Variants in AAAS observed in about 807,000 individuals in gnomAD.
AAAS encodes aladin.
A neutral mutation model predicts 75.6 loss-of-function variants in AAAS; 60 were observed. The observed-to-expected ratio is 0.79, with a 90% CI of 0.64 to 0.98. The LOEUF is 0.98. Ranked by LOEUF, AAAS falls within the 50% of genes least tolerant of loss-of-function variation. AAAS has a pLI of 0.00. For missense variants in AAAS, 658 were observed against 686.9 expected, an observed-to-expected ratio of 0.96 and a Z score of 0.47; for synonymous variants, 271 against 265.0, an observed-to-expected ratio of 1.02 and a Z score of -0.22.
rs775753161 is a variant in AAAS, at chr12:53,308,088, CGA to C, written c.1293_1294del (p.Phe431LeufsTer9). On this transcript the variant is annotated frameshift_variant, in exon 14 of 16. Coordinates refer to ENST00000209873, the MANE Select transcript of AAAS (RefSeq NM_015665.6). LOFTEE classifies it high-confidence loss of function. ...CTCAAACACAGGGCTGTTTCGAGTG[CGA>C]AAAAGGAGGATGACTGGTTTACCAT... The C allele has an allele frequency of 6.2e-7, 1 of 1,614,026 alleles. No individual in the cohort carries two copies. The highest frequency in any genetic ancestry group is 1.7e-5 in the Admixed American group (1 of 60,020).
Position 53,308,827 on chromosome 12 carries a change from G to A in AAAS, c.997-12C>T, listed in dbSNP as rs1268538506. ...CTCCAGCAGCCAGTCTGGGGTCAGG[G>A]AGCAAAAGGCAGGAGAAGGTATGTC... On this transcript the variant is annotated splice_polypyrimidine_tract_variant and intron_variant, in intron 10 of 15. Transcript: ENST00000209873. 6.2e-7 allele frequency: 1 copy of A among 1,613,932 alleles called. No homozygotes were observed. Among genetic ancestry groups the A allele is most frequent in the Admixed American group, 1.7e-5 (1 of 60,024 alleles).
In AAAS at chr12:53,321,570, T is replaced by C. The variant is rs904618986; in HGVS notation, c.-105A>G. 1.3e-6 allele frequency: 2 copies of C among 1,586,312 alleles called. No homozygotes were observed. The highest frequency in any genetic ancestry group is 1.7e-6 in the Non-Finnish European group (2 of 1,165,132). On this transcript the variant is annotated 5_prime_UTR_variant, in exon 1 of 16. Coordinates refer to ENST00000209873, the MANE Select transcript of AAAS (RefSeq NM_015665.6). ...CGGGCTAGATTCGTATGCGGACGGGTACCGCAAGGGACAAACGGCGAGGCG... is the reference window on the plus strand; with the variant it reads ...CGGGCTAGATTCGTATGCGGACGGGCACCGCAAGGGACAAACGGCGAGGCG...
intron 7 of AAAS, among the ~76,000 whole-genome samples, chr12:53,312,502 T>C (rs1164462440): frequency 2.0e-5 from 3 of 151,182 alleles, no homozygotes; most frequent in African/African-American, 4.9e-5. Flanking sequence ...GAGGCTGAGG[T>C]TGCAGTGAGT....
At chr12:53,313,503 G>A (rs1944420702) in intron 7 of AAAS, among the ~76,000 whole-genome samples, 1 of 152,062 alleles carries the variant, frequency 6.6e-6, no homozygotes, top group Non-Finnish European at 1.5e-5. Context: ...GTTTTACCAT[G>A]TTGGCCAGGC....
chr12:53,307,966 A>C, intron 14 of AAAS, 37 bp from the exon 15 acceptor site: 1 of 1,613,314 alleles, frequency 6.2e-7, no homozygotes, highest in Non-Finnish European at 8.5e-7. Context: ...GGAGGCAAGA[A>C]GGGAGCTGAA....
chr12:53,308,348 G>A lies in AAAS; in HGVS notation c.1183C>T (p.Leu395Phe). ...TIQTPDGEER[L>F]GGEAHSMVWD... Reference sequence around the variant, plus strand: ...ACCATGGAGTGAGCCTCTCCCCCAAGCCTGTGGGTAAGGACAGGTTAGGAG... The same window carrying A: ...ACCATGGAGTGAGCCTCTCCCCCAAACCTGTGGGTAAGGACAGGTTAGGAG... The change falls in exon 13 of 16, where the codon CTT (leucine) becomes TTT (phenylalanine). Residue 395 changes from leucine (L) to phenylalanine (F), a missense_variant and splice_region_variant. Leu to Phe is a conservative substitution (Grantham distance 22, BLOSUM62 0). Coordinates refer to ENST00000209873, the MANE Select transcript of AAAS (RefSeq NM_015665.6). 6.2e-7 allele frequency: 1 copy of A among 1,614,172 alleles called. No individual in the cohort carries two copies. The highest frequency in any genetic ancestry group is 1.3e-5 in the African/African-American group (1 of 75,032).
At chr12:53,312,697 C>T (rs965062950) in intron 7 of AAAS, among the ~76,000 whole-genome samples, 6 of 151,112 alleles carry the variant, frequency 4.0e-5, no homozygotes, top group Non-Finnish European at 7.4e-5. Context: ...AAATAGTATA[C>T]TTTGGTTTTC....
At chr12:53,313,713 A>G (rs1434486070) in intron 7 of AAAS, among the ~76,000 whole-genome samples, 1 of 151,486 alleles carries the variant, frequency 6.6e-6, no homozygotes, top group Admixed American at 6.6e-5. Context: ...GATTCAAGCG[A>G]TTCTCCTGCC....
intron 2 of AAAS, among the ~76,000 whole-genome samples, chr12:53,318,269 T>TGTGTGTGTGTGC (rs1944498050): frequency 6.6e-6 from 1 of 151,612 alleles, no homozygotes; most frequent in African/African-American, 2.4e-5. Flanking sequence ...TGTGTGTGTG[T>TGTGTGTGTGTGC]GTGTTAAGAC....
At position 53,309,152 on chromosome 12, in the gene AAAS, C is replaced by T. The variant is rs548425176; in HGVS notation, c.935+5G>A. On this transcript the variant is annotated splice_donor_5th_base_variant and intron_variant, in intron 9 of 15. Transcript: ENST00000209873. ...TTGCCCTCCCTCCATCCTTGTCCCA[C>T]TCACCGAAAGACAGCTGAAGGAGTG... 1 of 1,614,216 alleles carries T rather than the reference C, an allele frequency of 6.2e-7. No homozygotes were observed. The highest frequency in any genetic ancestry group is 8.5e-7 in the Non-Finnish European group (1 of 1,180,038).
chr12:53,319,814 A>AAAAAG (rs1944524159), intron 2 of AAAS, among the ~76,000 whole-genome samples: 1 of 133,226 alleles, frequency 7.5e-6, no homozygotes, highest in Non-Finnish European at 1.6e-5. Context: ...AAAAAAAAAA[A>AAAAAG]AAAAAAAAAA....
intron 2 of AAAS, among the ~76,000 whole-genome samples, chr12:53,317,661 G>C (rs1384346774): frequency 6.6e-6 from 1 of 152,034 alleles, no homozygotes; most frequent in African/African-American, 2.4e-5. Flanking sequence ...AGAATTGCTT[G>C]AACCCAGGAG....
chr12:53,308,293 A>G lies in AAAS; in HGVS notation c.1238T>C (p.Val413Ala). The G allele has an allele frequency of 6.2e-7, 1 of 1,614,158 alleles. No individual in the cohort carries two copies. Among genetic ancestry groups the G allele is most frequent in the Non-Finnish European group, 8.5e-7 (1 of 1,180,018 alleles). The stretch of plus-strand genomic sequence containing the variant: ...TCCTTGCCTCTCACCTTTCATAAGC[A>G]CAGCCAGACGTTCCCCACTGGGGTC... ...VWDPSGERLA[V>A]LMKGKPRVQD... The change falls in exon 13 of 16, where the codon GTG (valine) becomes GCG (alanine). Residue 413 changes from valine to alanine, a missense_variant. Coordinates refer to ENST00000209873, the MANE Select transcript of AAAS (RefSeq NM_015665.6).
intron 2 of AAAS, among the ~76,000 whole-genome samples, chr12:53,320,191 G>A (rs1944532064): frequency 2.0e-5 from 3 of 152,150 alleles, no homozygotes; most frequent in Admixed American, 2.0e-4. Context: ...GACCTATGTA[G>A]GAGATTATTC....
intron 7 of AAAS, among the ~76,000 whole-genome samples, chr12:53,310,246 C>T (rs1226831659): frequency 1.3e-5 from 2 of 152,232 alleles, no homozygotes; most frequent in Admixed American, 6.5e-5. Flanking sequence ...TCTGCAGCTC[C>T]CGCGTTTGCT....
intron 7 of AAAS, among the ~76,000 whole-genome samples, chr12:53,311,838 CAG>C (rs760469747): frequency 9.5e-4 from 145 of 152,056 alleles, no homozygotes; most frequent in Non-Finnish European, 1.3e-3. Flanking sequence ...CGCTTGAACC[CAG>C]GAGGCAGAGG....
At chr12:53,308,652 CA>C in intron 11 of AAAS, 72 bp downstream of exon 11, 1 of 1,600,756 alleles carries the variant, frequency 6.2e-7, no homozygotes, top group Non-Finnish European at 8.6e-7. Flanking sequence ...CTTTATCCCT[CA>C]GAGCTGCATC....
At chr12:53,309,377 G>A in intron 8 of AAAS, 96 bp from the exon 9 acceptor site, 1 of 1,576,252 alleles carries the variant, frequency 6.3e-7, no homozygotes, top group South Asian at 1.1e-5. Context: ...AGAAACGAGA[G>A]GAAGCGGGAG....
In AAAS at chr12:53,308,759, T is replaced by C. The variant is rs1944336831; in HGVS notation, c.1053A>G (p.Pro351=). Residue 351 remains proline (P), a synonymous_variant, in exon 11 of 16, where the codon CCA becomes CCG. Transcript: ENST00000209873. The stretch of plus-strand genomic sequence containing the variant: ...CTGGAAAAGACAGGGAGTAAATCAG[T>C]GGCTCTCCCAATACAGTGAACAGCA... ...SRLLFTVLGE[P]LIYSLSFPER... 1.2e-6 allele frequency: 2 copies of C among 1,614,148 alleles called. No homozygotes were observed. The highest frequency in any genetic ancestry group is 1.7e-6 in the Non-Finnish European group (2 of 1,180,052).
Sources: allele counts gnomAD v4.1 joint callset (sites outside exome capture counted in the v4.1 genomes callset), GRCh38; gene constraint gnomAD v4.1.1; transcripts MANE v1.5; gene names NCBI Gene and HGNC (gene_info 2026-07-23, HGNC 2026-07-21).